NEGR1: variants seen among roughly 807,000 people sequenced by gnomAD.
NEGR1 encodes neuronal growth regulator 1.
NEGR1 carries 10 observed loss-of-function variants against 40.9 expected under a neutral mutation model. That is an observed-to-expected ratio of 0.24 (90% CI 0.15 to 0.42). NEGR1 has a LOEUF of 0.42. NEGR1 is among the 10% of genes least tolerant of loss of function. The pLI is 1.00. For synonymous variants in NEGR1, 185 were observed against 166.8 expected (o/e 1.11, Z -0.84); for missense variants, 352 against 438.9 (o/e 0.80, Z 1.77).
intron 1 of NEGR1, among the ~76,000 whole-genome samples, chr1:72,008,346 T>C (rs1279134367): frequency 1.3e-5 from 2 of 152,120 alleles, no homozygotes. Flanking sequence ...GAAAGGTTTT[T>C]CTATCTAATA....
intron 2 of NEGR1, among the ~76,000 whole-genome samples, chr1:71,869,284 C>G (rs1315311819): frequency 1.3e-5 from 2 of 152,040 alleles, no homozygotes; most frequent in Non-Finnish European, 2.9e-5. Flanking sequence ...GTCCTCAAAA[C>G]TTTGATTATA....
chr1:71,480,160 T>C (rs1646844919), intron 6 of NEGR1, among the ~76,000 whole-genome samples: 1 of 151,944 alleles, frequency 6.6e-6, no homozygotes, highest in Non-Finnish European at 1.5e-5. Context: ...ATAGCCAATA[T>C]CTACTGAATG....
intron 1 of NEGR1, among the ~76,000 whole-genome samples, chr1:72,137,691 C>T (rs576460917): frequency 5.3e-5 from 8 of 152,008 alleles, no homozygotes; most frequent in African/African-American, 1.9e-4. Context: ...ATGTAACAAA[C>T]CTGCACATGT....
chr1:71,796,467 A>G (rs189149321), intron 2 of NEGR1, among the ~76,000 whole-genome samples: 16 of 152,306 alleles, frequency 1.1e-4, no homozygotes, highest in African/African-American at 3.8e-4. Context: ...TTTTCATCAA[A>G]TTCAAATAAT....
intron 1 of NEGR1, among the ~76,000 whole-genome samples, chr1:72,165,889 T>C (rs1042395695): frequency 6.6e-6 from 1 of 152,042 alleles, no homozygotes; most frequent in Non-Finnish European, 1.5e-5. Flanking sequence ...CTCTCTCACA[T>C]TGGTTTTTGA....
chr1:71,823,203 A>ATTT (rs35710660), intron 2 of NEGR1, among the ~76,000 whole-genome samples: 18 of 140,622 alleles, frequency 1.3e-4, no homozygotes, highest in African/African-American at 3.1e-4. Context: ...TTTCTGCATC[A>ATTT]TTTTTTTTTT....
intron 6 of NEGR1, among the ~76,000 whole-genome samples, chr1:71,576,612 A>G (rs1007342333): frequency 6.6e-6 from 1 of 152,214 alleles, no homozygotes; most frequent in African/African-American, 2.4e-5. Flanking sequence ...TTTTCTTTTC[A>G]TATCTATCAT....
intron 3 of NEGR1, among the ~76,000 whole-genome samples, chr1:71,767,351 C>A (rs1570318730): frequency 6.6e-6 from 1 of 152,158 alleles, no homozygotes; most frequent in East Asian, 1.9e-4. Context: ...ACTTTTGCTA[C>A]ACTTTAGCAA....
intron 3 of NEGR1, among the ~76,000 whole-genome samples, chr1:71,773,543 A>C (rs2101714747): frequency 6.6e-6 from 1 of 152,316 alleles, no homozygotes; most frequent in East Asian, 1.9e-4. Context: ...CAAAAAAGCT[A>C]ATAGAATTAT....
intron 1 of NEGR1, among the ~76,000 whole-genome samples, chr1:71,945,433 TAGA>T: frequency 6.6e-6 from 1 of 152,242 alleles, no homozygotes; most frequent in Admixed American, 6.5e-5. Context: ...AAAATATAAT[TAGA>T]AGAAGGAAAA....
intron 5 of NEGR1, among the ~76,000 whole-genome samples, chr1:71,608,268 C>T (rs1033101845): frequency 6.6e-6 from 1 of 152,140 alleles, no homozygotes; most frequent in Non-Finnish European, 1.5e-5. Context: ...TTCACAGCTG[C>T]ATTTTTCTAT....
chr1:72,046,460 C>T (rs929255541), intron 1 of NEGR1, among the ~76,000 whole-genome samples: 4 of 151,488 alleles, frequency 2.6e-5, no homozygotes, highest in African/African-American at 9.7e-5. Context: ...TAGTTTAGGG[C>T]ACTGCAACCC....
intron 1 of NEGR1, among the ~76,000 whole-genome samples, chr1:72,161,220 C>A (rs1233676201): frequency 6.6e-6 from 1 of 151,992 alleles, no homozygotes; most frequent in African/African-American, 2.4e-5. Flanking sequence ...AAAGGCCATT[C>A]CTGGGGCACT....
At chr1:71,832,290 T>A (rs1658869344) in intron 2 of NEGR1, among the ~76,000 whole-genome samples, 1 of 151,934 alleles carries the variant, frequency 6.6e-6, no homozygotes, top group Non-Finnish European at 1.5e-5. Context: ...AACCAGACGA[T>A]CAAAGTGAGA....
intron 6 of NEGR1, among the ~76,000 whole-genome samples, chr1:71,578,835 G>A (rs767696319): frequency 1.3e-5 from 2 of 152,142 alleles, no homozygotes; most frequent in Non-Finnish European, 2.9e-5. Context: ...GATCAACAGT[G>A]AAGTAATTAC....
At chr1:72,206,143 A>G (rs1301640421) in intron 1 of NEGR1, among the ~76,000 whole-genome samples, 1 of 151,880 alleles carries the variant, frequency 6.6e-6, no homozygotes, top group East Asian at 1.9e-4. Context: ...TTGGTTAAAT[A>G]TGATGTGAGT....
rs150530721 is a variant in NEGR1 at position 71,448,951 on chromosome 1, G to C, written c.941-41381C>G. On this transcript the variant is annotated intron_variant, in intron 6 of 6. Transcript: ENST00000357731. ...GGCTTGTAATATGGTTTGATGCCACGTCTTTGTTAAATTTACTTCGGTTGT... is the reference window on the plus strand; with the variant it reads ...GGCTTGTAATATGGTTTGATGCCACCTCTTTGTTAAATTTACTTCGGTTGT... Among the ~76,000 whole-genome samples, 851 of 152,230 alleles carry C rather than the reference G, an allele frequency of 5.6e-3. 6 individuals carry two copies. The highest frequency in any genetic ancestry group is 0.02 in the African/African-American group (810 of 41,532).
Position 71,792,407 on chromosome 1 carries a change from G to A in NEGR1, c.410-16110C>T, listed in dbSNP as rs185851858. ...GATGGAAATATGTTTCTCAGTTGAT[G>A]AGTAACGTAAGAGCCCTTCTCATCC... On this transcript the variant is annotated intron_variant, in intron 2 of 6. Transcript: ENST00000357731. 2.4e-4 allele frequency among the ~76,000 whole-genome samples: 36 copies of A among 152,216 alleles called. No individual in the cohort carries two copies. The East Asian group carries it at 6.6e-3, about 28-fold the overall frequency.
At chr1:71,908,404 T>C (rs1661336149) in intron 2 of NEGR1, among the ~76,000 whole-genome samples, 1 of 152,052 alleles carries the variant, frequency 6.6e-6, no homozygotes, top group African/African-American at 2.4e-5. Flanking sequence ...CTAACAAATG[T>C]TCTGTCATTT....
Sources: gnomAD v4.1 joint callset for allele counts (sites outside exome capture counted in the v4.1 genomes callset) on GRCh38, gnomAD v4.1.1 for gene constraint, MANE v1.5 for transcripts, NCBI Gene and HGNC (gene_info 2026-07-23, HGNC 2026-07-21) for gene names.